GPC5: variants seen among roughly 807,000 people sequenced by gnomAD.
GPC5 encodes the protein glypican-5.
In GPC5, 47 loss-of-function variants were observed where a neutral mutation model predicts 53.9. The observed-to-expected ratio is 0.87, with a 90% CI of 0.69 to 1.11. GPC5 has a LOEUF of 1.11. Ranked by LOEUF, GPC5 falls within the 50% of genes most tolerant of loss-of-function variation. The pLI is 0.00. For missense variants in GPC5, 748 were observed against 713.1 expected (o/e 1.05, Z -0.56); for synonymous variants, 286 against 263.3 (o/e 1.09, Z -0.84).
At chr13:91,932,400 C>T (rs1265342023) in intron 6 of GPC5, among the ~76,000 whole-genome samples, 1 of 151,966 alleles carries the variant, frequency 6.6e-6, no homozygotes, top group African/African-American at 2.4e-5. Flanking sequence ...TATTTTGGTC[C>T]TTCACATTTA....
chr13:92,312,559 ACTG>A (rs2043152129), intron 7 of GPC5, among the ~76,000 whole-genome samples: 1 of 152,142 alleles, frequency 6.6e-6, no homozygotes, highest in Non-Finnish European at 1.5e-5. Context: ...AATTTAAGTG[ACTG>A]CTTAATATTT....
chr13:92,379,365 T>G (rs897784916), intron 7 of GPC5, among the ~76,000 whole-genome samples: 1 of 152,218 alleles, frequency 6.6e-6, no homozygotes, highest in South Asian at 2.1e-4. Context: ...TTTTTTATTT[T>G]TCTTACCCCT....
At chr13:92,004,875 A>G (rs953059059) in intron 6 of GPC5, among the ~76,000 whole-genome samples, 3 of 152,118 alleles carry the variant, frequency 2.0e-5, no homozygotes, top group Non-Finnish European at 4.4e-5. Context: ...TCATGATTCA[A>G]TTATCTCCCA....
At chr13:92,381,155 C>A (rs1463787244) in intron 7 of GPC5, among the ~76,000 whole-genome samples, 5 of 152,134 alleles carry the variant, frequency 3.3e-5, no homozygotes, top group Admixed American at 6.5e-5. Context: ...TTCAAAATAT[C>A]AGTTTCTTCC....
intron 2 of GPC5, among the ~76,000 whole-genome samples, chr13:91,688,509 T>G (rs888430078): frequency 6.6e-6 from 1 of 152,172 alleles, no homozygotes; most frequent in African/African-American, 2.4e-5. Flanking sequence ...CCCAATTTTT[T>G]GATATTGTGG....
intron 7 of GPC5, chr13:92,721,686 G>A (rs982866421): frequency 3.3e-5 from 5 of 151,974 alleles, no homozygotes; most frequent in Admixed American, 3.3e-4. Flanking sequence ...GGAACAAAAG[G>A]GGTGTGTATA....
intron 7 of GPC5, among the ~76,000 whole-genome samples, chr13:92,557,049 G>A (rs1404150588): frequency 6.6e-6 from 1 of 151,494 alleles, no homozygotes; most frequent in African/African-American, 2.4e-5. Flanking sequence ...GATTGACTAT[G>A]CTTGATATTC....
intron 7 of GPC5, among the ~76,000 whole-genome samples, chr13:92,385,934 G>A (rs764781416): frequency 6.6e-6 from 1 of 151,334 alleles, no homozygotes; most frequent in Admixed American, 6.6e-5. Flanking sequence ...GTAGTCTATG[G>A]TCTTATAATG....
At position 92,009,232 on chromosome 13, in the gene GPC5, A is replaced by G. The variant is rs543355723; in HGVS notation, c.1401+101175A>G. On this transcript the variant is annotated intron_variant, in intron 6 of 7. Transcript: ENST00000377067. ...TATTTGATGCTCATTATTTTTTTTT[A>G]TCTGTTGAGTGCTGGATTTTCGTGT... Among the ~76,000 whole-genome samples, 103 of 129,338 alleles carry G rather than the reference A, an allele frequency of 8.0e-4. 1 individual carries two copies. The highest frequency in any genetic ancestry group is 5.0e-4 in the Non-Finnish European group (30 of 59,436). The allele number at this position is 129,338 out of a possible 152,430, so 84.9% of individuals were successfully genotyped here.
At chr13:92,551,705 GAAAC>G (rs987690792) in intron 7 of GPC5, among the ~76,000 whole-genome samples, 11 of 151,990 alleles carry the variant, frequency 7.2e-5, no homozygotes, top group Admixed American at 2.0e-4. Flanking sequence ...TTGGTATTGA[GAAAC>G]AGTAGGAGGT....
intron 7 of GPC5, among the ~76,000 whole-genome samples, chr13:92,487,338 A>G (rs999840080): frequency 6.6e-6 from 1 of 152,160 alleles, no homozygotes; most frequent in African/African-American, 2.4e-5. Flanking sequence ...GTGACCACCA[A>G]TGGAGCCCTA....
chr13:91,482,278 C>T (rs375084556), intron 2 of GPC5, among the ~76,000 whole-genome samples: 5 of 152,150 alleles, frequency 3.3e-5, no homozygotes, highest in African/African-American at 1.2e-4. Context: ...TGTTCTTCCT[C>T]TTGGGAGAAT....
intron 2 of GPC5, among the ~76,000 whole-genome samples, chr13:91,546,218 C>G (rs1278177087): frequency 6.6e-6 from 1 of 152,056 alleles, no homozygotes; most frequent in East Asian, 1.9e-4. Context: ...AGGAAAACAG[C>G]TGCTGCATAT....
chr13:92,328,710 T>C (rs955760410), intron 7 of GPC5, among the ~76,000 whole-genome samples: 1 of 152,098 alleles, frequency 6.6e-6, no homozygotes, highest in African/African-American at 2.4e-5. Context: ...AAAACGTTAA[T>C]CAAAAAGGCT....
At chr13:91,588,457 G>T (rs1202121757) in intron 2 of GPC5, among the ~76,000 whole-genome samples, 2 of 152,100 alleles carry the variant, frequency 1.3e-5, no homozygotes, top group Non-Finnish European at 2.9e-5. Context: ...TAGAGGGAAT[G>T]ATAGTGCCAC....
chr13:92,745,477 A>G (rs897064586), intron 7 of GPC5, among the ~76,000 whole-genome samples: 7 of 152,036 alleles, frequency 4.6e-5, no homozygotes, highest in Non-Finnish European at 7.4e-5. Flanking sequence ...TCTTTTCCTC[A>G]TAATTTGGAC....
chr13:91,466,466 A>C (rs1422854069), intron 2 of GPC5, among the ~76,000 whole-genome samples: 1 of 152,168 alleles, frequency 6.6e-6, no homozygotes, highest in Non-Finnish European at 1.5e-5. Flanking sequence ...GTTCTCAAGA[A>C]TTGAAAGAGT....
intron 7 of GPC5, among the ~76,000 whole-genome samples, chr13:92,196,686 C>T (rs2042258769): frequency 6.6e-6 from 1 of 152,204 alleles, no homozygotes; most frequent in African/African-American, 2.4e-5. Flanking sequence ...CTGTTTTCTG[C>T]TTTCTAACAT....
intron 5 of GPC5, among the ~76,000 whole-genome samples, chr13:91,787,853 A>T (rs2037902774): frequency 6.6e-6 from 1 of 152,210 alleles, no homozygotes; most frequent in African/African-American, 2.4e-5. Context: ...TTTTGTAATG[A>T]TAAATTAAAT....
Sources: gnomAD v4.1 joint callset for allele counts (sites outside exome capture counted in the v4.1 genomes callset) on GRCh38, gnomAD v4.1.1 for gene constraint, MANE v1.5 for transcripts, NCBI Gene and HGNC (gene_info 2026-07-23, HGNC 2026-07-21) for gene names.